Variants in RALGAPA2 observed in about 807,000 individuals in gnomAD.
The protein encoded by RALGAPA2 is Ral GTPase activating protein catalytic subunit alpha 2, also known as ral GTPase-activating protein subunit alpha-2.
RALGAPA2 carries 139 observed loss-of-function variants against 230.4 expected under a neutral mutation model. The ratio of observed to expected loss-of-function variants is 0.60; its 90% CI spans 0.53 to 0.69. The LOEUF (loss-of-function observed/expected upper bound fraction) is 0.69, where lower values mean the gene tolerates loss of function less well. RALGAPA2 is among the 30% of genes least tolerant of loss of function. The pLI is 0.00. For synonymous variants in RALGAPA2, 847 were observed against 837.8 expected, an observed-to-expected ratio of 1.01 and a Z score of -0.19; for missense variants, 2,163 against 2,276.0, an observed-to-expected ratio of 0.95 and a Z score of 1.01.
rs2059761529 is a variant in RALGAPA2, at chr20:20,398,314, C to T, written c.5618-1580G>A. 6.6e-6 allele frequency among the ~76,000 whole-genome samples: 1 copy of T among 152,202 alleles called. No homozygotes were observed. The highest frequency in any genetic ancestry group is 2.1e-4 in the South Asian group (1 of 4,822). ...GAAACCAAGAAAGCAGATGGCGCAG[C>T]TAACAATGGAGGACTTGTTTGTAAT... On this transcript the variant is annotated intron_variant, in intron 38 of 39. Coordinates refer to ENST00000202677, the MANE Select transcript of RALGAPA2 (RefSeq NM_020343.4). The surrounding 1 kb of genome is among the most constrained non-coding windows in gnomAD (Gnocchi z 4.5).
At chr20:20,574,470 C>A (rs1400104375) in intron 20 of RALGAPA2, among the ~76,000 whole-genome samples, 1 of 152,114 alleles carries the variant, frequency 6.6e-6, no homozygotes, top group Non-Finnish European at 1.5e-5. Flanking sequence ...GAATTTTGTT[C>A]TTTGGATACC....
intron 14 of RALGAPA2, among the ~76,000 whole-genome samples, chr20:20,609,290 T>C (rs1272228103): frequency 2.0e-5 from 3 of 152,180 alleles, no homozygotes; most frequent in Admixed American, 6.5e-5. Context: ...TAAGCCACCA[T>C]GCCCAGCCTT....
chr20:20,528,143 G>A (rs1319773335), intron 27 of RALGAPA2, among the ~76,000 whole-genome samples: 2 of 152,160 alleles, frequency 1.3e-5, no homozygotes, highest in Admixed American at 6.5e-5. Context: ...AAGGTCGGTC[G>A]GATACAGGGG....
intron 27 of RALGAPA2, among the ~76,000 whole-genome samples, chr20:20,530,512 G>C (rs1296482706): frequency 1.3e-5 from 2 of 152,196 alleles, no homozygotes; most frequent in Non-Finnish European, 2.9e-5. Flanking sequence ...TGGTCAAGCA[G>C]GGGCCAGACG....
At chr20:20,586,463 C>A (rs1205311063) in intron 18 of RALGAPA2, among the ~76,000 whole-genome samples, 2 of 152,154 alleles carry the variant, frequency 1.3e-5, no homozygotes, top group Non-Finnish European at 2.9e-5. Flanking sequence ...TAAAACATCA[C>A]CAAACACTAA....
intron 38 of RALGAPA2, among the ~76,000 whole-genome samples, chr20:20,402,495 G>A (rs930579989): frequency 8.5e-5 from 13 of 152,216 alleles, no homozygotes; most frequent in Admixed American, 8.5e-4. Flanking sequence ...GGTCTTGAGG[G>A]CAGGGCGGGA....
Position 20,444,708 on chromosome 20 carries a change from C to T in RALGAPA2, c.5495+28121G>A, listed in dbSNP as rs79143424. ...TTCCCACCAGCAGCATTTCAGAGTTCTAGTTGTTCTATAGTCTCACCAACA... is the reference window on the plus strand; with the variant it reads ...TTCCCACCAGCAGCATTTCAGAGTTTTAGTTGTTCTATAGTCTCACCAACA... On this transcript the variant is annotated intron_variant, in intron 37 of 39. Coordinates refer to ENST00000202677, the MANE Select transcript of RALGAPA2 (RefSeq NM_020343.4). Among the ~76,000 whole-genome samples the T allele has an allele frequency of 4.7e-3, 710 of 152,292 alleles. 6 individuals carry two copies. The highest frequency in any genetic ancestry group is 0.01 in the Middle Eastern group (3 of 294).
At chr20:20,420,000 G>A (rs1271812737) in intron 37 of RALGAPA2, among the ~76,000 whole-genome samples, 1 of 152,188 alleles carries the variant, frequency 6.6e-6, no homozygotes, top group Non-Finnish European at 1.5e-5. Context: ...AAGGCAAACT[G>A]TCATTATGTC....
chr20:20,595,771 G>A (rs2065434676), intron 16 of RALGAPA2, among the ~76,000 whole-genome samples: 1 of 152,010 alleles, frequency 6.6e-6, no homozygotes, highest in African/African-American at 2.4e-5. Flanking sequence ...GGTCAACATG[G>A]TGAAACCCTA....
At chr20:20,538,520 G>A (rs983253827) in intron 24 of RALGAPA2, among the ~76,000 whole-genome samples, 1 of 152,166 alleles carries the variant, frequency 6.6e-6, no homozygotes, top group East Asian at 1.9e-4. Context: ...AGAGACATTT[G>A]GCTAAGCACA....
chr20:20,516,156 C>T (rs2062864650), intron 31 of RALGAPA2, among the ~76,000 whole-genome samples: 1 of 152,186 alleles, frequency 6.6e-6, no homozygotes, highest in African/African-American at 2.4e-5. Flanking sequence ...ACCCCCTGAC[C>T]CTCAAAGGAG....
intron 9 of RALGAPA2, among the ~76,000 whole-genome samples, chr20:20,630,964 C>A (rs1162159442): frequency 6.6e-6 from 1 of 151,902 alleles, no homozygotes; most frequent in Non-Finnish European, 1.5e-5. Flanking sequence ...TAAAGATGAC[C>A]ACAAATTCTT....
At chr20:20,479,278 G>A (rs1342676983) in intron 36 of RALGAPA2, among the ~76,000 whole-genome samples, 1 of 152,118 alleles carries the variant, frequency 6.6e-6, no homozygotes, top group African/African-American at 2.4e-5. Context: ...TTATTTTGGA[G>A]AAACTTCCAT....
intron 38 of RALGAPA2, among the ~76,000 whole-genome samples, chr20:20,405,294 A>AT (rs950937959): frequency 3.9e-5 from 6 of 152,224 alleles, no homozygotes; most frequent in African/African-American, 9.7e-5. Flanking sequence ...ATAAATAGCC[A>AT]TTTTTTTTGT....
intron 38 of RALGAPA2, among the ~76,000 whole-genome samples, chr20:20,404,056 C>T (rs761430459): frequency 5.3e-5 from 8 of 152,138 alleles, no homozygotes; most frequent in African/African-American, 7.2e-5. Context: ...TGGAACGTGT[C>T]CTCTATGCAT....
intron 16 of RALGAPA2, among the ~76,000 whole-genome samples, chr20:20,599,259 G>A (rs1360517688): frequency 6.6e-6 from 1 of 152,126 alleles, no homozygotes; most frequent in Non-Finnish European, 1.5e-5. Context: ...AAATCATTTA[G>A]TAAATTAAAT....
Position 20,589,384 on chromosome 20 carries a change from G to A in RALGAPA2, c.2342-19C>T. The stretch of plus-strand genomic sequence containing the variant: ...TTTTGACCTAGAAATGGTGGGGCAG[G>A]GGGGTAGCGGAAATAGAAGGAATGT... On this transcript the variant is annotated intron_variant, in intron 17 of 39. Transcript: ENST00000202677. 1.3e-6 allele frequency: 2 copies of A among 1,562,742 alleles called. No individual in the cohort carries two copies. The highest frequency in any genetic ancestry group is 2.3e-5 in the East Asian group (1 of 43,142).
At chr20:20,410,921 T>G (rs1471125016) in intron 38 of RALGAPA2, among the ~76,000 whole-genome samples, 1 of 152,182 alleles carries the variant, frequency 6.6e-6, no homozygotes, top group East Asian at 1.9e-4. Context: ...CCTGGCTCCC[T>G]GCGCAAGTGC....
intron 36 of RALGAPA2, among the ~76,000 whole-genome samples, chr20:20,487,925 A>G (rs2061954405): frequency 6.6e-6 from 1 of 152,064 alleles, no homozygotes; most frequent in African/African-American, 2.4e-5. Flanking sequence ...AAAAAAAAAA[A>G]AAAAGTTTTT....
Sources: allele counts gnomAD v4.1 joint callset (sites outside exome capture counted in the v4.1 genomes callset), GRCh38; gene constraint gnomAD v4.1.1; non-coding constraint Gnocchi (gnomAD v3.1); transcripts MANE v1.5; gene names NCBI Gene and HGNC (gene_info 2026-07-23, HGNC 2026-07-21).